MYO10: variants seen among roughly 807,000 people sequenced by gnomAD.
MYO10 encodes the protein myosin X.
Under a neutral mutation model 257.3 loss-of-function variants are expected in MYO10, and 133 were observed. That is an observed-to-expected ratio of 0.52 (90% CI 0.45 to 0.60). MYO10 has a LOEUF of 0.60. Among genes scored for constraint, MYO10 ranks in the 20% least tolerant of loss-of-function variants. MYO10 has a pLI of 0.00. For synonymous variants in MYO10, 1,104 were observed against 1,028.6 expected (o/e 1.07, Z -1.40); for missense variants, 2,399 against 2,635.7 (o/e 0.91, Z 1.97).
At chr5:16,891,901 T>C in intron 1 of MYO10, among the ~76,000 whole-genome samples, 1 of 152,204 alleles carries the variant, frequency 6.6e-6, no homozygotes, top group Non-Finnish European at 1.5e-5. Context: ...TAGAAAGCAG[T>C]TCACAAGCGA....
intron 1 of MYO10, among the ~76,000 whole-genome samples, chr5:16,907,479 A>T (rs1272894429): frequency 2.0e-5 from 3 of 152,160 alleles, no homozygotes; most frequent in Non-Finnish European, 4.4e-5. Flanking sequence ...GTCACGGGAG[A>T]TTGCATTTCC....
intron 30 of MYO10, among the ~76,000 whole-genome samples, chr5:16,682,305 G>C (rs912738609): frequency 6.6e-6 from 1 of 152,120 alleles, no homozygotes; most frequent in African/African-American, 2.4e-5. Flanking sequence ...GGCTAAACAA[G>C]GTGACCATGA....
intron 2 of MYO10, among the ~76,000 whole-genome samples, chr5:16,850,863 A>G (rs142087553): frequency 0.048 from 7,243 of 151,942 alleles, 598 homozygotes; most frequent in African/African-American, 0.17. Flanking sequence ...GTGCAGTTGC[A>G]TGATCTCAGC....
rs115599294 is a variant in MYO10, at chr5:16,785,515, C to T, written c.468-2046G>A. Among the ~76,000 whole-genome samples the T allele has an allele frequency of 6.3e-3, 958 of 152,354 alleles. 9 individuals are homozygous for T. The highest frequency in any genetic ancestry group is 0.037 in the Middle Eastern group (11 of 294). ...CGAAACAATGTTATGTGTTCCTCAA[C>T]CTACCTCTTTATCCTCGGGCACACA... On this transcript the variant is annotated intron_variant, in intron 4 of 40. Coordinates refer to ENST00000513610, the MANE Select transcript of MYO10 (RefSeq NM_012334.3).
chr5:16,936,083 G>C lies in MYO10; in HGVS notation c.-275C>G, dbSNP rs1746434962. 1 of 477,484 alleles carries C rather than the reference G, an allele frequency of 2.1e-6. No homozygotes were observed. Among genetic ancestry groups the C allele is most frequent in the Non-Finnish European group, 3.7e-6 (1 of 268,548 alleles). 29.6% of individuals were successfully genotyped at this position (477,484 alleles called of 1,614,324 possible). A position where few individuals can be genotyped will look rare whatever the true frequency, so the allele number is the denominator to read the frequency against. On this transcript the variant is annotated 5_prime_UTR_variant, in exon 1 of 41. Transcript: ENST00000513610. ...GCGCAGCGCTCGCAAGCGGAGAACA[G>C]CTGGTGGCACATTCTTCCCCCAGGC...
At chr5:16,821,438 ATTTTCTT>A (rs1742807678) in intron 2 of MYO10, among the ~76,000 whole-genome samples, 2 of 73,238 alleles carry the variant, frequency 2.7e-5, no homozygotes, top group Admixed American at 1.6e-4. Context: ...CTTTCCTCCT[ATTTTCTT>A]TTTTTTTTTT....
intron 33 of MYO10, 36 bp from the exon 34 acceptor site, chr5:16,676,190 C>T (rs1736716825): frequency 6.2e-7 from 1 of 1,604,036 alleles, no homozygotes; most frequent in Non-Finnish European, 8.5e-7. Flanking sequence ...TGTAAGAAAC[C>T]TGTATTTTCC....
intron 10 of MYO10, among the ~76,000 whole-genome samples, chr5:16,768,297 T>C (rs567452548): frequency 6.6e-6 from 1 of 152,238 alleles, no homozygotes; most frequent in Non-Finnish European, 1.5e-5. Flanking sequence ...TCTGAGACAC[T>C]GTACAGGTGA....
chr5:16,878,414 T>C (rs2126762879), intron 1 of MYO10, among the ~76,000 whole-genome samples: 1 of 152,330 alleles, frequency 6.6e-6, no homozygotes, highest in Non-Finnish European at 1.5e-5. Context: ...TCTTAAAAGA[T>C]GGCAACTTCC....
intron 2 of MYO10, among the ~76,000 whole-genome samples, chr5:16,871,130 C>T (rs576534862): frequency 2.4e-4 from 37 of 152,180 alleles, no homozygotes; most frequent in African/African-American, 5.3e-4. Flanking sequence ...ATCTTCCAAA[C>T]GTTTCATCTT....
rs563690972 is a variant in MYO10, at chr5:16,751,019, A to C, written c.1929+3809T>G. The stretch of plus-strand genomic sequence containing the variant: ...TCAAACAAACAAACAAACAAACAAA[A>C]AACTTCTATATTTTCTAAAACCCAT... On this transcript the variant is annotated intron_variant, in intron 19 of 40. Coordinates refer to ENST00000513610, the MANE Select transcript of MYO10 (RefSeq NM_012334.3). Among the ~76,000 whole-genome samples the C allele has an allele frequency of 9.8e-4, 149 of 152,096 alleles. 2 individuals are homozygous for C. The highest frequency in any genetic ancestry group is 3.4e-3 in the African/African-American group (142 of 41,494).
chr5:16,758,290 TG>T, intron 17 of MYO10, 64 bp from the exon 18 acceptor site: 2 of 1,101,648 alleles, frequency 1.8e-6, no homozygotes, highest in Non-Finnish European at 2.8e-6. Context: ...GCAAGATTAT[TG>T]TAATTAATGG....
intron 2 of MYO10, among the ~76,000 whole-genome samples, chr5:16,875,522 A>G (rs2126760428): frequency 6.6e-6 from 1 of 152,316 alleles, no homozygotes. Flanking sequence ...CCACACTGTC[A>G]GTGACCATTA....
intron 1 of MYO10, 63 bp from the exon 2 acceptor site, chr5:16,877,770 G>A (rs1409024200): frequency 5.5e-6 from 7 of 1,277,832 alleles, no homozygotes; most frequent in Non-Finnish European, 7.8e-6. Context: ...AAACTGTACT[G>A]TCGAAATTAC....
intron 8 of MYO10, among the ~76,000 whole-genome samples, chr5:16,780,186 C>A (rs1381524854): frequency 6.6e-6 from 1 of 152,016 alleles, no homozygotes; most frequent in Non-Finnish European, 1.5e-5. Context: ...CAGGTGTGTG[C>A]CACTGCACCC....
At chr5:16,745,131 G>T (rs1333741927) in intron 19 of MYO10, among the ~76,000 whole-genome samples, 1 of 151,696 alleles carries the variant, frequency 6.6e-6, no homozygotes, top group African/African-American at 2.4e-5. Context: ...CCTGAGGTCA[G>T]GAGTTTGAGA....
chr5:16,710,940 A>G lies in MYO10; in HGVS notation c.2137T>C (p.Ser713Pro). The G allele has an allele frequency of 6.2e-7, 1 of 1,613,678 alleles. No homozygotes were observed. The highest frequency in any genetic ancestry group is 8.5e-7 in the Non-Finnish European group (1 of 1,179,834). ...TTCCCCAGCTGCCACTCGCTGTTGG[A>G]GGCATCATAGAGCTGCAGCAGGCTC... ...CTSLLQLYDA[S>P]NSEWQLGKTK... Residue 713 changes from serine (S) to proline (P), a missense_variant, in exon 21 of 41, where the codon TCC (serine) becomes CCC (proline). Ser to Pro is a moderately conservative substitution (Grantham distance 74). Around this residue, in one of 3 missense-constraint regions of MYO10, gnomAD observed 1,820 missense variants for 1,939.4 expected, o/e 0.94. Transcript: ENST00000513610.
At position 16,704,615 on chromosome 5, in the gene MYO10, A is replaced by G; in HGVS notation, c.2240T>C (p.Met747Thr). The G allele has an allele frequency of 6.2e-7, 1 of 1,613,848 alleles. No homozygotes were observed. The highest frequency in any genetic ancestry group is 8.5e-7 in the Non-Finnish European group (1 of 1,179,872). Residue 747 changes from methionine (M) to threonine (T), a missense_variant, in exon 22 of 41, where the codon ATG (methionine) becomes ACG (threonine). This residue lies in a region of MYO10 where 1,820 missense variants were observed against 1,939.4 expected (regional missense o/e 0.94). Transcript: ENST00000513610. The stretch of plus-strand genomic sequence containing the variant: ...GCCCAAGACATGGGCCCGAATCACC[A>G]TGGCCGCGTGGCTCACTTCCTCTTC... ...RREEEVSHAA[M>T]VIRAHVLGFL... is the part of the protein sequence containing the mutation.
At chr5:16,898,473 C>A (rs1311366827) in intron 1 of MYO10, among the ~76,000 whole-genome samples, 15 of 146,558 alleles carry the variant, frequency 1.0e-4, no homozygotes, top group Non-Finnish European at 7.4e-5. Context: ...AGTGCAGTGG[C>A]GTGATCTCAG....
Sources: gnomAD v4.1 joint callset for allele counts (sites outside exome capture counted in the v4.1 genomes callset) on GRCh38, gnomAD v4.1.1 for gene constraint, gnomAD v4.1.1 regional missense constraint, MANE v1.5 for transcripts, NCBI Gene and HGNC (gene_info 2026-07-23, HGNC 2026-07-21) for gene names.